Variants in FRMPD4 observed in about 807,000 individuals in gnomAD.
FRMPD4 encodes FERM and PDZ domain-containing protein 4.
In FRMPD4, 22 loss-of-function variants were observed where a neutral mutation model predicts 94.1. That is an observed-to-expected ratio of 0.23 (90% CI 0.17 to 0.33). FRMPD4 has a LOEUF of 0.33. Ranked by LOEUF, FRMPD4 falls within the 10% of genes least tolerant of loss-of-function variation. FRMPD4 has a pLI of 1.00. For synonymous variants in FRMPD4, 631 were observed against 548.6 expected, an observed-to-expected ratio of 1.15 and a Z score of -2.10; for missense variants, 1,111 against 1,339.9, an observed-to-expected ratio of 0.83 and a Z score of 2.67.
chrX:12,022,885 C>T (rs1601889182), intron 3 of FRMPD4, among the ~76,000 whole-genome samples: 1 of 111,216 alleles, frequency 9.0e-6, no homozygotes, highest in African/African-American at 3.3e-5. Flanking sequence ...TTCCCCCTAC[C>T]ACACTCAGTC....
At chrX:12,585,198 G>A (rs1050686342) in intron 2 of FRMPD4, among the ~76,000 whole-genome samples, 15 of 103,265 alleles carry the variant, frequency 1.5e-4, no homozygotes, top group African/African-American at 3.9e-4. Flanking sequence ...AATTACAGGC[G>A]TCAGCACCGC....
At chrX:12,472,355 A>G (rs192708778) in intron 1 of FRMPD4, among the ~76,000 whole-genome samples, 21 of 112,276 alleles carry the variant, frequency 1.9e-4, no homozygotes, top group African/African-American at 6.5e-4. Context: ...TAAGGCAATC[A>G]TCTTGTTCTC....
chrX:12,169,119 T>C (rs954597326), intron 1 of FRMPD4, among the ~76,000 whole-genome samples: 1 of 112,136 alleles, frequency 8.9e-6, no homozygotes, highest in Non-Finnish European at 1.9e-5. Flanking sequence ...GCTAGACATA[T>C]GTATATGTGA....
intron 1 of FRMPD4, among the ~76,000 whole-genome samples, chrX:12,259,584 A>G (rs2054163231): frequency 9.0e-6 from 1 of 111,707 alleles, no homozygotes; most frequent in Non-Finnish European, 1.9e-5. Context: ...GTTTTGGGCT[A>G]TCCGTTAGTG....
intron 2 of FRMPD4, among the ~76,000 whole-genome samples, chrX:12,576,527 A>G (rs943077803): frequency 8.9e-6 from 1 of 112,688 alleles, no homozygotes; most frequent in African/African-American, 3.2e-5. Context: ...GAAACAAGAA[A>G]CCTGCCAGTC....
chrX:12,100,473 T>C (rs1235622470), intron 3 of FRMPD4, among the ~76,000 whole-genome samples: 2 of 111,081 alleles, frequency 1.8e-5, no homozygotes, highest in Non-Finnish European at 3.8e-5. Context: ...GTTTTGGTTT[T>C]TCTCTTTCCT....
At chrX:11,974,099 T>C (rs1048847765) in intron 3 of FRMPD4, among the ~76,000 whole-genome samples, 1 of 111,370 alleles carries the variant, frequency 9.0e-6, no homozygotes, top group Admixed American at 9.5e-5. Context: ...AGTCAGGAGA[T>C]AGGAAACAGC....
chrX:12,701,180 C>T (rs1284111898), intron 9 of FRMPD4, among the ~76,000 whole-genome samples: 3 of 105,582 alleles, frequency 2.8e-5, no homozygotes, highest in African/African-American at 1.1e-4. Context: ...TCAAGCGATC[C>T]TCCTGCTTCA....
chrX:12,461,619 A>G (rs2057391781), intron 1 of FRMPD4, among the ~76,000 whole-genome samples: 1 of 112,117 alleles, frequency 8.9e-6, no homozygotes, highest in Non-Finnish European at 1.9e-5. Context: ...TGGTAATATT[A>G]TCTCAGCTAT....
chrX:11,961,738 T>C (rs1011408834), intron 3 of FRMPD4, among the ~76,000 whole-genome samples: 1 of 110,868 alleles, frequency 9.0e-6, no homozygotes, highest in Admixed American at 9.6e-5. Context: ...GCCCCTTCAC[T>C]ATGCGGTACC....
intron 1 of FRMPD4, among the ~76,000 whole-genome samples, chrX:12,350,381 T>C (rs2055783743): frequency 8.9e-6 from 1 of 111,754 alleles, no homozygotes; most frequent in Admixed American, 9.5e-5. Context: ...TGTATTGGTC[T>C]TAAGTGCAAA....
intron 3 of FRMPD4, among the ~76,000 whole-genome samples, chrX:11,968,875 A>G (rs1052296012): frequency 1.8e-5 from 2 of 112,311 alleles, no homozygotes; most frequent in Admixed American, 1.9e-4. Flanking sequence ...AAAGTTACAC[A>G]TGGGTAATAG....
At chrX:12,229,453 A>G (rs1168276701) in intron 1 of FRMPD4, among the ~76,000 whole-genome samples, 1 of 111,882 alleles carries the variant, frequency 8.9e-6, no homozygotes. Context: ...TGCTCTTGAC[A>G]TGTTCACTTC....
intron 1 of FRMPD4, among the ~76,000 whole-genome samples, chrX:12,378,561 A>G (rs1184996318): frequency 8.9e-6 from 1 of 112,488 alleles, no homozygotes; most frequent in African/African-American, 3.2e-5. Context: ...TATATTAGGA[A>G]GGACCCTTGA....
At chrX:12,520,940 G>A (rs752903999) in intron 2 of FRMPD4, among the ~76,000 whole-genome samples, 1 of 111,966 alleles carries the variant, frequency 8.9e-6, no homozygotes, top group South Asian at 3.8e-4. Context: ...CTTTCCCGGT[G>A]AAAGACCACA....
intron 2 of FRMPD4, among the ~76,000 whole-genome samples, chrX:12,578,174 G>T (rs1179441831): frequency 8.9e-6 from 1 of 112,284 alleles, no homozygotes; most frequent in Non-Finnish European, 1.9e-5. Context: ...TATCATATTT[G>T]GGGTTAGGGC....
chrX:11,843,774 C>T (rs187626566), intron 1 of FRMPD4, among the ~76,000 whole-genome samples: 288 of 109,781 alleles, frequency 2.6e-3, no homozygotes, highest in Non-Finnish European at 4.1e-3. Context: ...TGATGTTGAA[C>T]TGCTGGACTC....
intron 3 of FRMPD4, among the ~76,000 whole-genome samples, chrX:11,986,015 G>A (rs2054427501): frequency 8.9e-6 from 1 of 112,778 alleles, no homozygotes; most frequent in Non-Finnish European, 1.9e-5. Flanking sequence ...TTTGCCATCT[G>A]CTCATTGTAG....
chrX:12,287,151 T>C (rs2054613748), intron 1 of FRMPD4, among the ~76,000 whole-genome samples: 1 of 112,458 alleles, frequency 8.9e-6, no homozygotes, highest in African/African-American at 3.2e-5. Flanking sequence ...CAAGACCAAA[T>C]GTTTACTTAG....
Sources: gnomAD v4.1 joint callset for allele counts (sites outside exome capture counted in the v4.1 genomes callset) on GRCh38, gnomAD v4.1.1 for gene constraint, MANE v1.5 for transcripts, NCBI Gene and HGNC (gene_info 2026-07-23, HGNC 2026-07-21) for gene names.